FMOD: variants seen among roughly 807,000 people sequenced by gnomAD.
FMOD encodes fibromodulin.
A neutral mutation model predicts 27.0 loss-of-function variants in FMOD; 15 were observed. The observed-to-expected ratio is 0.55, with a 90% CI of 0.37 to 0.85. The LOEUF (loss-of-function observed/expected upper bound fraction) is 0.85, where lower values mean the gene tolerates loss of function less well. Ranked by LOEUF, FMOD falls within the 40% of genes least tolerant of loss-of-function variation. The pLI is 0.00. For missense variants in FMOD, 460 were observed against 483.2 expected, an observed-to-expected ratio of 0.95 and a Z score of 0.45; for synonymous variants, 210 against 214.0, an observed-to-expected ratio of 0.98 and a Z score of 0.16.
Position 203,342,305 on chromosome 1 carries a change from A to G in FMOD, c.*38T>C. The stretch of plus-strand genomic sequence containing the variant: ...AAACCAAACCATCAAGCCAAATGCC[A>G]CGGGGGCTCTCCGCCCAGTACCCGG... On this transcript the variant is annotated 3_prime_UTR_variant, in exon 3 of 3. Coordinates refer to ENST00000354955, the MANE Select transcript of FMOD (RefSeq NM_002023.5). 1 of 1,588,794 alleles carries G rather than the reference A, an allele frequency of 6.3e-7. No individual in the cohort carries two copies. The highest frequency in any genetic ancestry group is 8.6e-7 in the Non-Finnish European group (1 of 1,163,472).
chr1:203,347,429 G>A lies in FMOD; in HGVS notation c.842C>T (p.Thr281Ile). The change falls in exon 2 of 3, where the codon ACC becomes ATC. Residue 281 changes from threonine to isoleucine, a missense_variant. Thr to Ile is a moderately conservative substitution (Grantham distance 89, BLOSUM62 -1). Coordinates refer to ENST00000354955, the MANE Select transcript of FMOD (RefSeq NM_002023.5). ...LYVRLSHNSL[T>I]NNGLASNTFN... is the part of the protein sequence containing the mutation. The stretch of plus-strand genomic sequence containing the variant: ...GGTGTTGGAGGCCAGGCCATTGTTG[G>A]TTAGACTGTTGTGGGACAGCCGCAC... The A allele has an allele frequency of 6.2e-7, 1 of 1,614,190 alleles. No individual in the cohort carries two copies. Among genetic ancestry groups the A allele is most frequent in the Non-Finnish European group, 8.5e-7 (1 of 1,180,034 alleles).
rs749870909 is a variant in FMOD, at chr1:203,347,941, C to T, written c.330G>A (p.Val110=). The change falls in exon 2 of 3, where the codon GTG becomes GTA. Residue 110 remains valine, a synonymous_variant. Coordinates refer to ENST00000354955, the MANE Select transcript of FMOD (RefSeq NM_002023.5). ...LPFVPSRMKY[V]YFQNNQITSI... ...AGGTGATCTGGTTGTTCTGGAAGTA[C>T]ACATACTTCATGCGGGAGGGAACGA... The T allele has an allele frequency of 1.2e-6, 2 of 1,610,024 alleles. No homozygotes were observed. Among genetic ancestry groups the T allele is most frequent in the East Asian group, 2.2e-5 (1 of 44,762 alleles).
intron 1 of FMOD, among the ~76,000 whole-genome samples, 191 bp downstream of exon 1, chr1:203,350,842 T>A (rs1658985789): frequency 6.6e-6 from 1 of 152,122 alleles, no homozygotes. Flanking sequence ...AAGAGAAAGG[T>A]ACAGGGCTGG....
In FMOD at chr1:203,341,101, G is replaced by A. The variant is rs1658787399; in HGVS notation, c.*1242C>T. ...AAGCAAAAGCCACCTTCACTAATGA[G>A]GATATAGCTCAGAGATGTGAAAGCA... On this transcript the variant is annotated 3_prime_UTR_variant, in exon 3 of 3. Transcript: ENST00000354955. 1 of 152,280 alleles carries A rather than the reference G, an allele frequency of 6.6e-6. No homozygotes were observed. The highest frequency in any genetic ancestry group is 2.1e-4 in the South Asian group (1 of 4,838). The allele number at this position is 152,280 out of a possible 1,614,324, so 9.4% of individuals were successfully genotyped here.
At chr1:203,345,680 C>A (rs888368329) in intron 2 of FMOD, among the ~76,000 whole-genome samples, 1 of 152,120 alleles carries the variant, frequency 6.6e-6, no homozygotes, top group African/African-American at 2.4e-5. Context: ...AGGCAGATCA[C>A]GAGGTCAGGA....
intron 2 of FMOD, among the ~76,000 whole-genome samples, chr1:203,346,913 T>A (rs1026536654): frequency 6.6e-6 from 1 of 152,154 alleles, no homozygotes; most frequent in Admixed American, 6.5e-5. Context: ...ACACGTGACA[T>A]TTCCCAGCTG....
chr1:203,347,521 G>A lies in FMOD; in HGVS notation c.750C>T (p.Tyr250=), dbSNP rs1035777894. The stretch of plus-strand genomic sequence containing the variant: ...CGGTGTAGACATTGTTGTGCTCCAT[G>A]TACAGCTGCTCAAGAGCTGAGGGCA... ...DGLPSALEQL[Y]MEHNNVYTVP... is the part of the protein sequence containing the mutation. The change falls in exon 2 of 3, where the codon TAC becomes TAT. Residue 250 remains tyrosine (Y), a synonymous_variant. Coordinates refer to ENST00000354955, the MANE Select transcript of FMOD (RefSeq NM_002023.5). 6.3e-5 allele frequency: 101 copies of A among 1,614,088 alleles called. No individual in the cohort carries two copies. Among genetic ancestry groups the A allele is most frequent in the Non-Finnish European group, 8.4e-5 (99 of 1,180,044 alleles).
chr1:203,343,795 G>T (rs1658840855), intron 2 of FMOD, among the ~76,000 whole-genome samples: 1 of 152,216 alleles, frequency 6.6e-6, no homozygotes, highest in South Asian at 2.1e-4. Flanking sequence ...GAAGAAGACA[G>T]TTCCAAGAAA....
At chr1:203,344,646 G>A (rs1658855967) in intron 2 of FMOD, among the ~76,000 whole-genome samples, 1 of 152,114 alleles carries the variant, frequency 6.6e-6, no homozygotes, top group African/African-American at 2.4e-5. Flanking sequence ...TGATTCCCCT[G>A]TGCGCCCCTG....
chr1:203,347,944 A>G lies in FMOD; in HGVS notation c.327T>C (p.Tyr109=). ...YLPFVPSRMK[Y]VYFQNNQITS... is the part of the protein sequence containing the mutation. ...TGATCTGGTTGTTCTGGAAGTACAC[A>G]TACTTCATGCGGGAGGGAACGAAGG... is the stretch of plus-strand genomic sequence containing the variant. The change falls in exon 2 of 3, where the codon TAT becomes TAC. Residue 109 remains tyrosine, a synonymous_variant. Coordinates refer to ENST00000354955, the MANE Select transcript of FMOD (RefSeq NM_002023.5). 1.9e-6 allele frequency: 3 copies of G among 1,610,126 alleles called. No individual in the cohort carries two copies. The highest frequency in any genetic ancestry group is 1.7e-6 in the Non-Finnish European group (2 of 1,176,816).
chr1:203,345,759 G>C (rs58789157), intron 2 of FMOD, among the ~76,000 whole-genome samples: 2 of 152,038 alleles, frequency 1.3e-5, no homozygotes, highest in Non-Finnish European at 2.9e-5. Context: ...TTGGCCGAGC[G>C]TGGTGGCAGG....
At chr1:203,349,233 A>T (rs1658949876) in intron 1 of FMOD, among the ~76,000 whole-genome samples, 1 of 152,214 alleles carries the variant, frequency 6.6e-6, no homozygotes. Context: ...AAGAATAGCT[A>T]GAGATTGGAA....
rs575155267 is a variant in FMOD, at chr1:203,343,683, T to C, written c.980-1189A>G. 3.6e-3 allele frequency among the ~76,000 whole-genome samples: 554 copies of C among 152,290 alleles called. 2 individuals carry two copies. The highest frequency in any genetic ancestry group is 0.011 in the African/African-American group (456 of 41,528). On this transcript the variant is annotated intron_variant, in intron 2 of 2. Transcript: ENST00000354955. ...CTTGCAGCAGTGGTCAGGAGGTGCG[T>C]CAGTCTGGGGCCAGGCACGAGGAGT...
In FMOD at chr1:203,348,105, C is replaced by A. The variant is rs773564439; in HGVS notation, c.166G>T (p.Gly56Trp). Residue 56 changes from glycine (G) to tryptophan (W), a missense_variant, in exon 2 of 3, where the codon GGG becomes TGG. Physicochemically the swap from Gly to Trp is radical, Grantham distance 184. Coordinates refer to ENST00000354955, the MANE Select transcript of FMOD (RefSeq NM_002023.5). ...PYETYEPYPY[G>W]VDEGPAYTYG... ...GTGTAGGCTGGCCCTTCATCCACCCCATAGGGGTAAGGCTCGTAGGTCTCA... is the reference window on the plus strand; with the variant it reads ...GTGTAGGCTGGCCCTTCATCCACCCAATAGGGGTAAGGCTCGTAGGTCTCA... 4.3e-6 allele frequency: 7 copies of A among 1,614,036 alleles called. No homozygotes were observed. The highest frequency in any genetic ancestry group is 5.9e-6 in the Non-Finnish European group (7 of 1,180,040).
At chr1:203,344,903 T>G (rs907701276) in intron 2 of FMOD, among the ~76,000 whole-genome samples, 10 of 152,208 alleles carry the variant, frequency 6.6e-5, no homozygotes, top group South Asian at 4.1e-4. Flanking sequence ...CTACATCATC[T>G]GGAGGACTTT....
chr1:203,342,659 G>C (rs1162911687), intron 2 of FMOD, among the ~76,000 whole-genome samples, 165 bp from the exon 3 acceptor site: 1 of 152,152 alleles, frequency 6.6e-6, no homozygotes, highest in Non-Finnish European at 1.5e-5. Context: ...GCGCCACTAG[G>C]GGCAGAACTA....
At position 203,342,279 on chromosome 1, in the gene FMOD, C is replaced by A. The variant is rs1658807888; in HGVS notation, c.*64G>T. 3 of 1,561,232 alleles carry A rather than the reference C, an allele frequency of 1.9e-6. No homozygotes were observed. The highest frequency in any genetic ancestry group is 2.6e-6 in the Non-Finnish European group (3 of 1,150,084). ...CCATCCTGGACCTTCCAGCAAAAGC[C>A]AAACCAAACCATCAAGCCAAATGCC... On this transcript the variant is annotated 3_prime_UTR_variant, in exon 3 of 3. Coordinates refer to ENST00000354955, the MANE Select transcript of FMOD (RefSeq NM_002023.5).
chr1:203,342,127 T>C lies in FMOD; in HGVS notation c.*216A>G. 1 of 520,648 alleles carries C rather than the reference T, an allele frequency of 1.9e-6. No homozygotes were observed. Among genetic ancestry groups the C allele is most frequent in the South Asian group, 3.0e-5 (1 of 33,452 alleles). The allele number at this position is 520,648 out of a possible 1,614,324, so 32.3% of individuals were successfully genotyped here. A position where few individuals can be genotyped will look rare whatever the true frequency, so the allele number is the denominator to read the frequency against. On this transcript the variant is annotated 3_prime_UTR_variant, in exon 3 of 3. Transcript: ENST00000354955. Reference sequence around the variant, plus strand: ...ATCCTTCCATCTACCACCACTTCTGTCCCTGGAAAAGAGTGAGCTTCTGCC... The same window carrying C: ...ATCCTTCCATCTACCACCACTTCTGCCCCTGGAAAAGAGTGAGCTTCTGCC...
rs572335539 is a variant in FMOD at position 203,341,180 on chromosome 1, G to A, written c.*1163C>T. On this transcript the variant is annotated 3_prime_UTR_variant, in exon 3 of 3. Coordinates refer to ENST00000354955, the MANE Select transcript of FMOD (RefSeq NM_002023.5). ...TTTGGCTGCCTGGCCTGGGCTTCACGGACCCCAGCCAGAGCTGGTACTTTT... is the reference window on the plus strand; with the variant it reads ...TTTGGCTGCCTGGCCTGGGCTTCACAGACCCCAGCCAGAGCTGGTACTTTT... 6.6e-5 allele frequency: 10 copies of A among 152,360 alleles called. No homozygotes were observed. In the East Asian group the frequency reaches 7.7e-4, roughly 12 times the overall value. 9.4% of individuals were successfully genotyped at this position (152,360 alleles called of 1,614,324 possible). A position where few individuals can be genotyped will look rare whatever the true frequency, so the allele number is the denominator to read the frequency against.
Sources: allele counts gnomAD v4.1 joint callset (sites outside exome capture counted in the v4.1 genomes callset), GRCh38; gene constraint gnomAD v4.1.1; transcripts MANE v1.5; gene names NCBI Gene and HGNC (gene_info 2026-07-23, HGNC 2026-07-21).